Variants in PCDHAC2 observed in about 807,000 individuals in gnomAD.
PCDHAC2 encodes the protein protocadherin alpha-C2.
In PCDHAC2, 24 loss-of-function variants were observed where a neutral mutation model predicts 63.3. That is an observed-to-expected ratio of 0.38 (90% CI 0.27 to 0.53). PCDHAC2 has a LOEUF of 0.53. Ranked by LOEUF, PCDHAC2 falls within the 20% of genes least tolerant of loss-of-function variation. The pLI is 0.81. For synonymous variants in PCDHAC2, 569 were observed against 529.4 expected (o/e 1.07, Z -1.03); for missense variants, 1,181 against 1,275.2 (o/e 0.93, Z 1.12).
chr5:140,967,783 C>T lies in PCDHAC2; in HGVS notation c.1017C>T (p.Asp339=), dbSNP rs1554229939. 1 of 1,614,186 alleles carries T rather than the reference C, an allele frequency of 6.2e-7. No individual in the cohort carries two copies. The highest frequency in any genetic ancestry group is 1.7e-5 in the Admixed American group (1 of 60,030). ...ACCAGATCTATGTGCAGGCGACTGA[C>T]CGGGGTCCAGTGCCCATGGCAGGTC... ...SSYQIYVQAT[D]RGPVPMAGHC... is the part of the protein sequence containing the mutation. The change falls in exon 1 of 4, where the codon GAC becomes GAT. Residue 339 remains aspartate, a synonymous_variant. Transcript: ENST00000289269.
At chr5:141,009,459 A>T in intron 3 of PCDHAC2, 168 bp from the exon 4 acceptor site, 3 of 950,878 alleles carry the variant, frequency 3.2e-6, no homozygotes, top group Non-Finnish European at 3.8e-6. Context: ...AATTAAACAA[A>T]TAAATAAATA....
chr5:140,975,759 A>G (rs1420459945), intron 1 of PCDHAC2, among the ~76,000 whole-genome samples: 1 of 152,248 alleles, frequency 6.6e-6, no homozygotes, highest in Non-Finnish European at 1.5e-5. Context: ...TCTATGTCAT[A>G]AATCACAGAT....
chr5:140,984,271 A>G (rs1403531837), intron 3 of PCDHAC2, among the ~76,000 whole-genome samples: 1 of 152,196 alleles, frequency 6.6e-6, no homozygotes, highest in African/African-American at 2.4e-5. Context: ...ACTAACTTTG[A>G]ATACATTCTC....
intron 3 of PCDHAC2, among the ~76,000 whole-genome samples, chr5:140,997,083 A>C (rs1267571178): frequency 2.6e-5 from 4 of 152,174 alleles, no homozygotes; most frequent in Non-Finnish European, 5.9e-5. Flanking sequence ...AGTTGAGTAG[A>C]AAGTGCAGAG....
chr5:141,003,370 G>A (rs192935173), intron 3 of PCDHAC2, among the ~76,000 whole-genome samples: 1 of 152,262 alleles, frequency 6.6e-6, no homozygotes, highest in East Asian at 1.9e-4. Context: ...GGAGTGCAGT[G>A]GTGCAATCTC....
chr5:140,985,841 G>A (rs2097174040), intron 3 of PCDHAC2, among the ~76,000 whole-genome samples: 1 of 145,238 alleles, frequency 6.9e-6, no homozygotes, highest in Admixed American at 7.3e-5. Context: ...CCGGGTTCAT[G>A]CCACTCTCCT....
rs199990641 is a variant in PCDHAC2, at chr5:140,966,961, G to C, written c.195G>C (p.Leu65=). The change falls in exon 1 of 4, where the codon CTG becomes CTC. Residue 65 remains leucine, a synonymous_variant. Coordinates refer to ENST00000289269, the MANE Select transcript of PCDHAC2 (RefSeq NM_018899.6). ...GALVGNVARA[L]GLELRRLGPG... is the part of the protein sequence containing the mutation. ...TCGTGGGCAACGTGGCTCGCGCGCT[G>C]GGGCTTGAGCTGCGGCGCTTGGGGC... The C allele has an allele frequency of 8.7e-6, 14 of 1,603,190 alleles. No individual in the cohort carries two copies. The East Asian group carries it at 2.7e-4, about 31-fold the overall frequency.
intron 3 of PCDHAC2, among the ~76,000 whole-genome samples, chr5:141,005,129 C>T (rs1554259896): frequency 6.6e-6 from 1 of 152,180 alleles, no homozygotes; most frequent in African/African-American, 2.4e-5. Context: ...CCAAAAGTGC[C>T]TCATTGGAGA....
chr5:140,970,026 T>A (rs2153783055), intron 1 of PCDHAC2, among the ~76,000 whole-genome samples: 1 of 152,304 alleles, frequency 6.6e-6, no homozygotes, highest in Non-Finnish European at 1.5e-5. Context: ...GGCAGAGAGA[T>A]TAAGTACCAA....
intron 3 of PCDHAC2, among the ~76,000 whole-genome samples, chr5:140,998,973 G>A (rs572810777): frequency 1.3e-5 from 2 of 152,352 alleles, no homozygotes; most frequent in African/African-American, 2.4e-5. Flanking sequence ...TAGTATCCTA[G>A]AAAATAGTAG....
intron 3 of PCDHAC2, among the ~76,000 whole-genome samples, chr5:140,986,982 G>A (rs782173410): frequency 3.9e-5 from 6 of 152,164 alleles, no homozygotes; most frequent in Non-Finnish European, 8.8e-5. Context: ...GGGAGGCCAA[G>A]GCAGGCAGAT....
At chr5:140,978,615 T>C in intron 1 of PCDHAC2, among the ~76,000 whole-genome samples, 1 of 152,238 alleles carries the variant, frequency 6.6e-6, no homozygotes, top group East Asian at 1.9e-4. Context: ...GCAAAAGCAG[T>C]GAAAGCTTTT....
chr5:140,977,383 G>A (rs2096759264), intron 1 of PCDHAC2, among the ~76,000 whole-genome samples: 1 of 152,134 alleles, frequency 6.6e-6, no homozygotes, highest in Non-Finnish European at 1.5e-5. Context: ...ATATTTCCAG[G>A]TTTATAAAAT....
In PCDHAC2 at chr5:140,968,724, G is replaced by C; in HGVS notation, c.1958G>C (p.Gly653Ala). 6.2e-7 allele frequency: 1 copy of C among 1,614,090 alleles called. No individual in the cohort carries two copies. The highest frequency in any genetic ancestry group is 8.5e-7 in the Non-Finnish European group (1 of 1,179,998). The change falls in exon 1 of 4, where the codon GGT becomes GCT. Residue 653 changes from glycine to alanine, a missense_variant. Coordinates refer to ENST00000289269, the MANE Select transcript of PCDHAC2 (RefSeq NM_018899.6). ...ACCAGGAAGATGGGAGATGAGAGTGGTAGCACTTTCAACCTGACCGTGGTG... is the reference window on the plus strand; with the variant it reads ...ACCAGGAAGATGGGAGATGAGAGTGCTAGCACTTTCAACCTGACCGTGGTG... Reference protein sequence around the residue: ...RTTRKMGDESGSTFNLTVVVR... With the variant: ...RTTRKMGDESASTFNLTVVVR...
Position 140,967,580 on chromosome 5 carries a change from C to T in PCDHAC2, c.814C>T (p.Pro272Ser), listed in dbSNP as rs201304400. 42 of 1,614,122 alleles carry T rather than the reference C, an allele frequency of 2.6e-5. No homozygotes were observed. The East Asian group carries it at 4.7e-4, about 18-fold the overall frequency. ...CGTCCAGCTACGGGAGGACTCACCC[C>T]CAGGCACATTGGTGGTGAAGCTGAA... ...YRVQLREDSP[P>S]GTLVVKLNAS... Residue 272 changes from proline to serine, a missense_variant, in exon 1 of 4, where the codon CCA (proline) becomes TCA (serine). Physicochemically the swap from Pro to Ser is moderately conservative, Grantham distance 74. This residue lies in a region of PCDHAC2 where 968 missense variants were observed against 1,073.5 expected (regional missense o/e 0.90). Transcript: ENST00000289269.
intron 3 of PCDHAC2, among the ~76,000 whole-genome samples, chr5:140,983,425 C>A (rs1252010683): frequency 6.6e-6 from 1 of 152,198 alleles, no homozygotes; most frequent in Non-Finnish European, 1.5e-5. Context: ...GTAGAGACCA[C>A]AAATTGTGTC....
chr5:140,969,700 A>G (rs2096354004), intron 1 of PCDHAC2, among the ~76,000 whole-genome samples: 1 of 152,178 alleles, frequency 6.6e-6, no homozygotes. Context: ...CCTCTGCTGT[A>G]TCATCTACAG....
intron 1 of PCDHAC2, 57 bp downstream of exon 1, chr5:140,969,388 A>G: frequency 6.3e-7 from 1 of 1,595,066 alleles, no homozygotes; most frequent in Non-Finnish European, 8.5e-7. Flanking sequence ...CACATCCCCC[A>G]ATATCCTGTG....
At chr5:140,983,720 T>G (rs1563510266) in intron 3 of PCDHAC2, among the ~76,000 whole-genome samples, 1 of 152,228 alleles carries the variant, frequency 6.6e-6, no homozygotes, top group Non-Finnish European at 1.5e-5. Context: ...AGCACTTATA[T>G]TCATAACATG....
Sources: gnomAD v4.1 joint callset for allele counts (sites outside exome capture counted in the v4.1 genomes callset) on GRCh38, gnomAD v4.1.1 for gene constraint, gnomAD v4.1.1 regional missense constraint, MANE v1.5 for transcripts, NCBI Gene and HGNC (gene_info 2026-07-23, HGNC 2026-07-21) for gene names.